The following ZNF292 variants were observed in gnomAD, a reference collection of about 807,000 sequenced individuals.
ZNF292 encodes 16 zinc-finger domain protein.
ZNF292 carries 26 observed loss-of-function variants against 217.9 expected under a neutral mutation model. The ratio of observed to expected loss-of-function variants is 0.12; its 90% CI spans 0.09 to 0.17. The LOEUF (loss-of-function observed/expected upper bound fraction) is 0.17, where lower values mean the gene tolerates loss of function less well. ZNF292 is among the 10% of genes least tolerant of loss of function. ZNF292 has a pLI of 1.00. For missense variants in ZNF292, 2,904 were observed against 3,175.2 expected, an observed-to-expected ratio of 0.91 and a Z score of 2.05; for synonymous variants, 1,257 against 1,124.1, an observed-to-expected ratio of 1.12 and a Z score of -2.37.
chr6:87,184,058 T>G (rs1251122376), intron 1 of ZNF292, among the ~76,000 whole-genome samples: 2 of 152,232 alleles, frequency 1.3e-5, no homozygotes, highest in Non-Finnish European at 2.9e-5. Context: ...ACACACAAAG[T>G]CAGTGTTGTG....
intron 7 of ZNF292, among the ~76,000 whole-genome samples, chr6:87,252,320 T>G (rs6932678): frequency 0.54 from 81,496 of 151,626 alleles, 22,333 homozygotes; most frequent in African/African-American, 0.62. Context: ...CCTGGCTAAT[T>G]TTTTGTATTT....
Position 87,245,536 on chromosome 6 carries a change from A to G in ZNF292, c.912A>G (p.Gln304=), listed in dbSNP as rs987517984. Residue 304 remains glutamine (Q), a synonymous_variant, in exon 7 of 8, where the codon CAA becomes CAG. Transcript: ENST00000369577. Reference sequence around the variant, plus strand: ...CTCTCTTTTGGAGTAAATTACAACAAAGAGTAGAACCATCTATACAAGTGT... The same window carrying G: ...CTCTCTTTTGGAGTAAATTACAACAGAGAGTAGAACCATCTATACAAGTGT... ...ELTLFWSKLQ[Q]RVEPSIQVYL... is the part of the protein sequence containing the mutation. The G allele has an allele frequency of 6.5e-7, 1 of 1,539,394 alleles. No homozygotes were observed.
At chr6:87,222,288 AT>A (rs747682245) in intron 4 of ZNF292, among the ~76,000 whole-genome samples, 44 of 152,306 alleles carry the variant, frequency 2.9e-4, no homozygotes, top group Middle Eastern at 3.4e-3. Flanking sequence ...ACTTAAAAAA[AT>A]CTTTCTGCTT....
chr6:87,199,063 GT>G (rs1460768866), intron 1 of ZNF292, among the ~76,000 whole-genome samples: 1 of 152,162 alleles, frequency 6.6e-6, no homozygotes, highest in East Asian at 1.9e-4. Context: ...GTAAATTTAT[GT>G]TTAACTTTTT....
At chr6:87,161,330 A>T (rs1283623303) in intron 1 of ZNF292, among the ~76,000 whole-genome samples, 1 of 152,264 alleles carries the variant, frequency 6.6e-6, no homozygotes, top group Admixed American at 6.5e-5. Context: ...AACTAGTGGG[A>T]TATAAATTAG....
Position 87,198,415 on chromosome 6 carries a change from A to G in ZNF292, c.169-17488A>G, listed in dbSNP as rs1180959146. ...GAGACAGGGTTTCACTGTGTTAGCT[A>G]GGATAGTCTTGATCTCCTCACCTCG... On this transcript the variant is annotated intron_variant, in intron 1 of 7. Coordinates refer to ENST00000369577, the MANE Select transcript of ZNF292 (RefSeq NM_015021.3). Among the ~76,000 whole-genome samples, 3 of 152,268 alleles carry G rather than the reference A, an allele frequency of 2.0e-5. No individual in the cohort carries two copies. The East Asian group carries it at 5.8e-4, about 29-fold the overall frequency.
intron 1 of ZNF292, among the ~76,000 whole-genome samples, chr6:87,182,018 T>G (rs1771487660): frequency 6.6e-6 from 1 of 152,124 alleles, no homozygotes; most frequent in African/African-American, 2.4e-5. Flanking sequence ...TGGGCTAAAG[T>G]GAGTTAAATT....
intron 5 of ZNF292, among the ~76,000 whole-genome samples, chr6:87,235,757 C>A (rs927773213): frequency 1.3e-5 from 2 of 152,028 alleles, no homozygotes; most frequent in Admixed American, 6.6e-5. Context: ...TTCCCTCCCC[C>A]CCACTTCTCA....
chr6:87,241,439 T>TTTTG (rs1774281743), intron 5 of ZNF292, among the ~76,000 whole-genome samples: 1 of 135,856 alleles, frequency 7.4e-6, no homozygotes. Context: ...TTTTTTTTTT[T>TTTTG]GAGACCGAGT....
chr6:87,160,136 C>G (rs1464766330), intron 1 of ZNF292, among the ~76,000 whole-genome samples: 1 of 152,098 alleles, frequency 6.6e-6, no homozygotes, highest in African/African-American at 2.4e-5. Context: ...TTTATAGTCT[C>G]TGGAGGAAGG....
At chr6:87,214,635 T>C (rs1772650694) in intron 1 of ZNF292, among the ~76,000 whole-genome samples, 1 of 152,168 alleles carries the variant, frequency 6.6e-6, no homozygotes, top group African/African-American at 2.4e-5. Flanking sequence ...TCCTGCACTG[T>C]GGCTGCAGGT....
At chr6:87,230,525 A>G (rs1362759940) in intron 4 of ZNF292, among the ~76,000 whole-genome samples, 2 of 152,128 alleles carry the variant, frequency 1.3e-5, no homozygotes, top group African/African-American at 4.8e-5. Flanking sequence ...CGAGGTCAGG[A>G]TATCAAGACC....
chr6:87,184,249 G>T (rs1461513798), intron 1 of ZNF292, among the ~76,000 whole-genome samples: 1 of 152,194 alleles, frequency 6.6e-6, no homozygotes, highest in East Asian at 1.9e-4. Flanking sequence ...TTTGGCATGG[G>T]AGATTTCTCC....
chr6:87,237,914 CTA>C (rs1398410233), intron 5 of ZNF292, among the ~76,000 whole-genome samples: 1 of 152,118 alleles, frequency 6.6e-6, no homozygotes, highest in Non-Finnish European at 1.5e-5. Flanking sequence ...TCATTGGTGG[CTA>C]TGTTTCACTT....
chr6:87,257,578 A>G lies in ZNF292; in HGVS notation c.3949A>G (p.Asn1317Asp). 6.2e-7 allele frequency: 1 copy of G among 1,606,724 alleles called. No homozygotes were observed. Among genetic ancestry groups the G allele is most frequent in the East Asian group, 2.2e-5 (1 of 44,764 alleles). ...CTTTCTAAAGGGGGGTAATGGTGAA[A>G]ATGCAGTTTTTCCTTCACAAGTGAA... ...SSFLKGGNGE[N>D]AVFPSQVNVA... Residue 1317 changes from asparagine to aspartate, a missense_variant, in exon 8 of 8, where the codon AAT becomes GAT. Asn to Asp is a conservative substitution (Grantham distance 23). Coordinates refer to ENST00000369577, the MANE Select transcript of ZNF292 (RefSeq NM_015021.3).
chr6:87,238,704 GATCA>G (rs1774031041), intron 5 of ZNF292, among the ~76,000 whole-genome samples: 1 of 124,532 alleles, frequency 8.0e-6, no homozygotes, highest in African/African-American at 3.2e-5. Flanking sequence ...TTTTTTAATT[GATCA>G]TTCTTGGGTG....
At chr6:87,194,609 C>A (rs887031794) in intron 1 of ZNF292, among the ~76,000 whole-genome samples, 2 of 151,918 alleles carry the variant, frequency 1.3e-5, no homozygotes, top group Non-Finnish European at 2.9e-5. Context: ...ATTTAAAATA[C>A]AAACTACTGA....
intron 6 of ZNF292, among the ~76,000 whole-genome samples, chr6:87,245,114 G>A (rs1050266125): frequency 5.3e-5 from 8 of 152,116 alleles, no homozygotes; most frequent in South Asian, 2.1e-4. Context: ...GGCAGTGCGC[G>A]CCTGTAATCC....
intron 7 of ZNF292, among the ~76,000 whole-genome samples, chr6:87,248,955 A>G (rs1185401624): frequency 1.3e-5 from 2 of 152,204 alleles, no homozygotes; most frequent in East Asian, 3.9e-4. Context: ...GCTAGTGGCA[A>G]TCCTACTGGA....
Sources: allele counts gnomAD v4.1 joint callset (sites outside exome capture counted in the v4.1 genomes callset), GRCh38; gene constraint gnomAD v4.1.1; transcripts MANE v1.5; gene names NCBI Gene and HGNC (gene_info 2026-07-23, HGNC 2026-07-21).